ST6GAL2: variants seen among roughly 807,000 people sequenced by gnomAD.
ST6GAL2 encodes the protein ST6 beta-galactoside alpha-2,6-sialyltransferase 2.
A neutral mutation model predicts 37.5 loss-of-function variants in ST6GAL2; 24 were observed. The ratio of observed to expected loss-of-function variants is 0.64; its 90% confidence interval spans 0.46 to 0.90. The LOEUF is 0.90. Among genes scored for constraint, ST6GAL2 ranks in the 40% least tolerant of loss-of-function variants. The pLI, the probability that ST6GAL2 is intolerant of heterozygous loss-of-function variation, is 0.00. For synonymous variants in ST6GAL2, 306 were observed against 295.1 expected (o/e 1.04, Z -0.38); for missense variants, 715 against 712.7 (o/e 1.00, Z -0.04).
intron 1 of ST6GAL2, among the ~76,000 whole-genome samples, chr2:106,854,381 C>T (rs1468064703): frequency 6.6e-6 from 1 of 152,162 alleles, no homozygotes. Context: ...ATGTGCTTAG[C>T]ACTGTGCCTG....
chr2:106,882,453 G>C (rs188156994), intron 1 of ST6GAL2, among the ~76,000 whole-genome samples: 1 of 152,300 alleles, frequency 6.6e-6, no homozygotes, highest in East Asian at 1.9e-4. Context: ...TTGATAATCT[G>C]TGCAAAGCAA....
At chr2:106,812,161 G>A (rs1573203818) in intron 5 of ST6GAL2, among the ~76,000 whole-genome samples, 1 of 152,186 alleles carries the variant, frequency 6.6e-6, no homozygotes, top group African/African-American at 2.4e-5. Flanking sequence ...ATGTTGTGGA[G>A]ATGATTTCTC....
chr2:106,885,902 C>T (rs1443148391), intron 1 of ST6GAL2, 191 bp downstream of exon 1: 2 of 152,286 alleles, frequency 1.3e-5, no homozygotes, highest in African/African-American at 2.4e-5. Flanking sequence ...TGTATCCGCC[C>T]GTCCCCAAAG....
intron 1 of ST6GAL2, among the ~76,000 whole-genome samples, chr2:106,854,081 T>A (rs1221673548): frequency 6.6e-6 from 1 of 152,136 alleles, no homozygotes; most frequent in Admixed American, 6.6e-5. Flanking sequence ...AAAGGTTAGG[T>A]GAACTCCTAA....
intron 5 of ST6GAL2, among the ~76,000 whole-genome samples, chr2:106,814,872 T>G (rs1675743529): frequency 6.6e-6 from 1 of 152,184 alleles, no homozygotes; most frequent in South Asian, 2.1e-4. Flanking sequence ...AGATAAAATC[T>G]CTAGTATCTG....
intron 1 of ST6GAL2, among the ~76,000 whole-genome samples, chr2:106,875,230 G>A (rs1342022199): frequency 7.0e-6 from 1 of 143,172 alleles, no homozygotes; most frequent in African/African-American, 2.6e-5. Context: ...AGCCTGGAAT[G>A]CAGGGTGTGA....
In ST6GAL2 at chr2:106,833,133, T is replaced by A. The variant is rs551347652; in HGVS notation, c.1042-467A>T. Among the ~76,000 whole-genome samples, 16 of 152,336 alleles carry A rather than the reference T, an allele frequency of 1.1e-4. No homozygotes were observed. In the South Asian group the frequency reaches 2.9e-3, roughly 28 times the overall value. On this transcript the variant is annotated intron_variant, in intron 3 of 5. Coordinates refer to ENST00000409382, the MANE Select transcript of ST6GAL2 (RefSeq NM_001142351.2). ...CAATCTCAGCTGCCAATCATCTTTT[T>A]AAAATTATTATTTCAGGAAAAAACA...
At chr2:106,828,313 G>C (rs988733978) in intron 5 of ST6GAL2, among the ~76,000 whole-genome samples, 2 of 152,106 alleles carry the variant, frequency 1.3e-5, no homozygotes, top group Admixed American at 6.5e-5. Context: ...CTATTATGCT[G>C]TCTAGGCATT....
At position 106,843,141 on chromosome 2, in the gene ST6GAL2, C is replaced by T; in HGVS notation, c.837G>A (p.Leu279=). ...APFSALGWRR[L]VPAVPLSQLH... ...GCTGGCTCAGGGGCACGGCGGGCAC[C>T]AGGCGCCGCCAGCCCAGCGCAGAAA... Residue 279 remains leucine (L), a synonymous_variant, in exon 2 of 6, where the codon CTG becomes CTA. Transcript: ENST00000409382. The T allele has an allele frequency of 6.4e-7, 1 of 1,559,606 alleles. No individual in the cohort carries two copies. The highest frequency in any genetic ancestry group is 8.7e-7 in the Non-Finnish European group (1 of 1,155,468).
At chr2:106,883,704 T>C (rs1678843176) in intron 1 of ST6GAL2, among the ~76,000 whole-genome samples, 1 of 152,188 alleles carries the variant, frequency 6.6e-6, no homozygotes, top group Non-Finnish European at 1.5e-5. Flanking sequence ...CTTAATTTAA[T>C]TTAAGCAATT....
chr2:106,814,645 C>A (rs745355882), intron 5 of ST6GAL2, among the ~76,000 whole-genome samples: 3 of 152,174 alleles, frequency 2.0e-5, no homozygotes, highest in Non-Finnish European at 4.4e-5. Context: ...AGGCTGGGAG[C>A]CGGGGTGGGT....
intron 5 of ST6GAL2, among the ~76,000 whole-genome samples, chr2:106,823,442 A>AACACACAC (rs60795605): frequency 0.055 from 5,523 of 100,886 alleles, 155 homozygotes; most frequent in Middle Eastern, 0.094. Flanking sequence ...CCCAGCAGAA[A>AACACACAC]ACACACACAC....
At chr2:106,836,002 A>G (rs1676620223) in intron 2 of ST6GAL2, among the ~76,000 whole-genome samples, 1 of 152,244 alleles carries the variant, frequency 6.6e-6, no homozygotes, top group Non-Finnish European at 1.5e-5. Context: ...AGACTCTTGA[A>G]ATTTATTGAT....
chr2:106,867,963 G>C lies in ST6GAL2; in HGVS notation c.-58+18130C>G, dbSNP rs540948210. ...AATCATAAGTCATCTCAAAGAATAAGGTATTATTATATAAGAAGGTAAGGC... is the reference window on the plus strand; with the variant it reads ...AATCATAAGTCATCTCAAAGAATAACGTATTATTATATAAGAAGGTAAGGC... On this transcript the variant is annotated intron_variant, in intron 1 of 5. Coordinates refer to ENST00000409382, the MANE Select transcript of ST6GAL2 (RefSeq NM_001142351.2). Among the ~76,000 whole-genome samples, 7 of 152,142 alleles carry C rather than the reference G, an allele frequency of 4.6e-5. No homozygotes were observed. The South Asian group carries it at 1.5e-3, about 32-fold the overall frequency.
At chr2:106,884,580 C>G (rs1470954152) in intron 1 of ST6GAL2, among the ~76,000 whole-genome samples, 1 of 152,110 alleles carries the variant, frequency 6.6e-6, no homozygotes, top group African/African-American at 2.4e-5. Context: ...ACTCCAGAAG[C>G]TTTCACAGCA....
intron 1 of ST6GAL2, among the ~76,000 whole-genome samples, chr2:106,865,456 G>T (rs1020631252): frequency 6.6e-6 from 1 of 152,362 alleles, no homozygotes; most frequent in Admixed American, 6.5e-5. Context: ...ATGTGCATCA[G>T]TTCTGCTAGG....
At chr2:106,876,123 T>C (rs550085689) in intron 1 of ST6GAL2, among the ~76,000 whole-genome samples, 1 of 145,288 alleles carries the variant, frequency 6.9e-6, no homozygotes, top group Non-Finnish European at 1.5e-5. Flanking sequence ...CAAGTCACCA[T>C]GCCTGGACAC....
At chr2:106,813,988 A>C (rs1281227655) in intron 5 of ST6GAL2, among the ~76,000 whole-genome samples, 1 of 152,228 alleles carries the variant, frequency 6.6e-6, no homozygotes, top group African/African-American at 2.4e-5. Flanking sequence ...GCTACACTTG[A>C]GATTCTTAAA....
chr2:106,864,924 T>G (rs915307411), intron 1 of ST6GAL2, among the ~76,000 whole-genome samples: 5 of 152,156 alleles, frequency 3.3e-5, no homozygotes, highest in African/African-American at 9.7e-5. Flanking sequence ...TACAATAATC[T>G]CTCAGGGAGG....
Sources: allele counts gnomAD v4.1 joint callset (sites outside exome capture counted in the v4.1 genomes callset), GRCh38; gene constraint gnomAD v4.1.1; transcripts MANE v1.5; gene names NCBI Gene and HGNC (gene_info 2026-07-23, HGNC 2026-07-21).